STX8: variants seen among roughly 807,000 people sequenced by gnomAD.
STX8 encodes syntaxin-8.
Under a neutral mutation model 37.5 loss-of-function variants are expected in STX8, and 23 were observed. That is an observed-to-expected ratio of 0.61 (90% CI 0.44 to 0.87). The LOEUF is 0.87. Ranked by LOEUF, STX8 falls within the 40% of genes least tolerant of loss-of-function variation. The pLI is 0.00. For missense variants in STX8, 313 were observed against 284.7 expected (o/e 1.10, Z -0.71); for synonymous variants, 115 against 99.1 (o/e 1.16, Z -0.95).
At chr17:9,414,912 T>C (rs1356472656) in intron 6 of STX8, among the ~76,000 whole-genome samples, 2 of 147,104 alleles carry the variant, frequency 1.4e-5, no homozygotes, top group Non-Finnish European at 1.5e-5. Flanking sequence ...TGCCTCAGCC[T>C]CCCGAGTAGC....
intron 6 of STX8, among the ~76,000 whole-genome samples, chr17:9,410,181 T>C (rs1034274782): frequency 6.6e-6 from 1 of 152,258 alleles, no homozygotes; most frequent in Admixed American, 6.5e-5. Flanking sequence ...TCTGAATTTC[T>C]CTTTTATTCC....
At chr17:9,483,522 G>T (rs902068312) in intron 6 of STX8, among the ~76,000 whole-genome samples, 1 of 152,120 alleles carries the variant, frequency 6.6e-6, no homozygotes, top group African/African-American at 2.4e-5. Flanking sequence ...ATCTTTGGGG[G>T]TCATTATTCA....
intron 7 of STX8, among the ~76,000 whole-genome samples, chr17:9,279,649 G>C (rs986044223): frequency 3.9e-5 from 6 of 152,172 alleles, no homozygotes; most frequent in East Asian, 1.9e-4. Context: ...ACTAGACTAT[G>C]ATGGACTTCT....
At chr17:9,303,246 G>A (rs1240827198) in intron 7 of STX8, among the ~76,000 whole-genome samples, 9 of 152,116 alleles carry the variant, frequency 5.9e-5, no homozygotes, top group African/African-American at 1.7e-4. Context: ...AGCTGAGATC[G>A]TGCCACTGCA....
chr17:9,263,219 G>A (rs1907111375), intron 7 of STX8, among the ~76,000 whole-genome samples: 1 of 151,640 alleles, frequency 6.6e-6, no homozygotes, highest in African/African-American at 2.4e-5. Flanking sequence ...GCTCACACCT[G>A]TAATCCCAGC....
intron 4 of STX8, among the ~76,000 whole-genome samples, chr17:9,519,571 T>C (rs1361579461): frequency 2.0e-5 from 3 of 152,136 alleles, no homozygotes; most frequent in Non-Finnish European, 4.4e-5. Flanking sequence ...TCCTACACTC[T>C]GCTGCAAGAA....
intron 7 of STX8, among the ~76,000 whole-genome samples, chr17:9,319,375 T>C (rs1909493604): frequency 6.6e-6 from 1 of 151,984 alleles, no homozygotes; most frequent in Non-Finnish European, 1.5e-5. Context: ...GCCGAGATTG[T>C]GCCACTGCAC....
intron 7 of STX8, among the ~76,000 whole-genome samples, chr17:9,266,637 C>T (rs909139585): frequency 8.6e-5 from 13 of 151,922 alleles, no homozygotes; most frequent in South Asian, 2.1e-4. Context: ...TCACTAGTGC[C>T]GCTTCTGGTG....
At chr17:9,385,523 A>G (rs1344193209) in intron 6 of STX8, among the ~76,000 whole-genome samples, 3 of 152,224 alleles carry the variant, frequency 2.0e-5, no homozygotes, top group Non-Finnish European at 2.9e-5. Flanking sequence ...GTTTTACAGA[A>G]GAAGATATAC....
intron 7 of STX8, among the ~76,000 whole-genome samples, chr17:9,324,741 G>A (rs1340925513): frequency 6.8e-6 from 1 of 148,132 alleles, no homozygotes; most frequent in Non-Finnish European, 1.5e-5. Context: ...CTCCAACATG[G>A]GTGACAAGAG....
At chr17:9,486,677 C>T (rs144714599) in intron 6 of STX8, among the ~76,000 whole-genome samples, 17 of 152,202 alleles carry the variant, frequency 1.1e-4, no homozygotes, top group Non-Finnish European at 1.8e-4. Flanking sequence ...ACAGGGCGAC[C>T]GGACCCCCAT....
In STX8 at chr17:9,534,771, AGT is replaced by A. The variant is rs150416464; in HGVS notation, c.323+10399_323+10400del. 8.2e-3 allele frequency among the ~76,000 whole-genome samples: 1,248 copies of A among 152,140 alleles called. 23 individuals carry two copies. The highest frequency in any genetic ancestry group is 0.028 in the African/African-American group (1,159 of 41,488). On this transcript the variant is annotated intron_variant, in intron 4 of 7. Transcript: ENST00000306357. ...CCACTGCACTCCAGCCTGGCGACAC[AGT>A]GAGATTCTGTCTCAAAAAAAAAAGG... is the stretch of plus-strand genomic sequence containing the variant.
chr17:9,481,936 C>T (rs952877420), intron 6 of STX8, among the ~76,000 whole-genome samples: 3 of 152,192 alleles, frequency 2.0e-5, no homozygotes, highest in African/African-American at 7.2e-5. Context: ...CATGGAAAAA[C>T]TGTCTTCCAC....
chr17:9,562,257 T>A (rs1403931192), intron 2 of STX8, among the ~76,000 whole-genome samples: 1 of 151,318 alleles, frequency 6.6e-6, no homozygotes, highest in African/African-American at 2.4e-5. Context: ...CAAAAAAAAA[T>A]TAGCCGGGCA....
At chr17:9,445,840 CT>C (rs59109965) in intron 6 of STX8, among the ~76,000 whole-genome samples, 86 of 130,522 alleles carry the variant, frequency 6.6e-4, no homozygotes, top group African/African-American at 6.7e-4. Context: ...CTTTTTTTCT[CT>C]TTTTTTTTTT....
chr17:9,573,960 C>T (rs9890201), intron 1 of STX8, among the ~76,000 whole-genome samples: 3,558 of 152,014 alleles, frequency 0.023, 146 homozygotes, highest in African/African-American at 0.081. Flanking sequence ...TCATGTGATG[C>T]ATTATTTTGC....
intron 7 of STX8, among the ~76,000 whole-genome samples, chr17:9,301,624 A>T (rs1201147171): frequency 1.3e-5 from 2 of 150,586 alleles, no homozygotes; most frequent in African/African-American, 4.9e-5. Flanking sequence ...CTGGGACTAC[A>T]GGCGCCTGCC....
chr17:9,487,829 C>A (rs988484176), intron 6 of STX8, among the ~76,000 whole-genome samples: 2 of 152,158 alleles, frequency 1.3e-5, no homozygotes, highest in Non-Finnish European at 2.9e-5. Flanking sequence ...CACGTGGATG[C>A]GCTTCTGTGC....
intron 6 of STX8, among the ~76,000 whole-genome samples, chr17:9,398,039 C>CGT (rs1461219887): frequency 1.3e-5 from 2 of 149,366 alleles, no homozygotes; most frequent in South Asian, 2.1e-4. Context: ...TTGAATAATA[C>CGT]GTGAAGGCGA....
Sources: gnomAD v4.1 joint callset for allele counts (sites outside exome capture counted in the v4.1 genomes callset) on GRCh38, gnomAD v4.1.1 for gene constraint, MANE v1.5 for transcripts, NCBI Gene and HGNC (gene_info 2026-07-23, HGNC 2026-07-21) for gene names.